Variants in CDKAL1 observed in about 807,000 individuals in gnomAD.
CDKAL1 encodes threonylcarbamoyladenosine tRNA methylthiotransferase.
CDKAL1 carries 32 observed loss-of-function variants against 68.2 expected under a neutral mutation model. The ratio of observed to expected loss-of-function variants is 0.47; its 90% confidence interval spans 0.35 to 0.63. The LOEUF is 0.63. Ranked by LOEUF, CDKAL1 falls within the 30% of genes least tolerant of loss-of-function variation. The probability of loss-of-function intolerance (pLI) is 0.00; values close to 1 mark genes in which losing one functional copy is unlikely to be tolerated. For synonymous variants in CDKAL1, 234 were observed against 244.3 expected, an observed-to-expected ratio of 0.96 and a Z score of 0.39; for missense variants, 606 against 696.7, an observed-to-expected ratio of 0.87 and a Z score of 1.47.
chr6:20,931,826 G>A (rs574982811), intron 9 of CDKAL1, among the ~76,000 whole-genome samples: 12 of 152,184 alleles, frequency 7.9e-5, no homozygotes, highest in African/African-American at 2.9e-4. Flanking sequence ...AATATTTTTC[G>A]AGCAACTGTC....
At chr6:20,937,247 G>A (rs190313384) in intron 9 of CDKAL1, among the ~76,000 whole-genome samples, 2 of 152,078 alleles carry the variant, frequency 1.3e-5, no homozygotes, top group Non-Finnish European at 1.5e-5. Context: ...ACCACACCCA[G>A]CTAATTTATT....
At chr6:20,870,513 G>T (rs1760156295) in intron 9 of CDKAL1, among the ~76,000 whole-genome samples, 1 of 152,126 alleles carries the variant, frequency 6.6e-6, no homozygotes, top group South Asian at 2.1e-4. Flanking sequence ...AATATACACT[G>T]TGATGATAGA....
chr6:20,829,638 C>T (rs530906771), intron 8 of CDKAL1, among the ~76,000 whole-genome samples: 2 of 152,258 alleles, frequency 1.3e-5, no homozygotes, highest in East Asian at 3.9e-4. Flanking sequence ...ATTTTTCAAG[C>T]TCTCCAAAAG....
chr6:20,542,086 T>C (rs1763413155), intron 2 of CDKAL1, among the ~76,000 whole-genome samples: 1 of 152,248 alleles, frequency 6.6e-6, no homozygotes, highest in Non-Finnish European at 1.5e-5. Context: ...AGCTGAGATT[T>C]GAACACAGAT....
intron 4 of CDKAL1, among the ~76,000 whole-genome samples, chr6:20,583,811 C>T (rs1194127657): frequency 6.9e-6 from 1 of 145,564 alleles, no homozygotes; most frequent in Non-Finnish European, 1.5e-5. Flanking sequence ...TCAGTCTGCT[C>T]TTGCAGAGAA....
At chr6:20,900,506 C>G (rs187712277) in intron 9 of CDKAL1, among the ~76,000 whole-genome samples, 5 of 152,280 alleles carry the variant, frequency 3.3e-5, no homozygotes, top group South Asian at 4.2e-4. Flanking sequence ...GTAGATATTG[C>G]TAGTGGCACA....
intron 8 of CDKAL1, among the ~76,000 whole-genome samples, chr6:20,825,932 T>TG (rs1369730528): frequency 1.3e-5 from 2 of 152,160 alleles, no homozygotes; most frequent in Non-Finnish European, 2.9e-5. Flanking sequence ...TCTGTCATTT[T>TG]GGGGGGATTA....
intron 4 of CDKAL1, among the ~76,000 whole-genome samples, chr6:20,613,709 A>G (rs1326458173): frequency 6.6e-6 from 1 of 150,564 alleles, no homozygotes; most frequent in African/African-American, 2.4e-5. Context: ...TATTCTAGAC[A>G]TTTTTGTTGT....
chr6:21,069,120 T>C (rs1227599418), intron 12 of CDKAL1, among the ~76,000 whole-genome samples: 1 of 152,212 alleles, frequency 6.6e-6, no homozygotes, highest in Non-Finnish European at 1.5e-5. Context: ...CTGATAGTCA[T>C]AGTTTTAATT....
At chr6:20,733,742 G>A (rs1773060798) in intron 5 of CDKAL1, among the ~76,000 whole-genome samples, 1 of 152,166 alleles carries the variant, frequency 6.6e-6, no homozygotes, top group African/African-American at 2.4e-5. Flanking sequence ...TGGAAACTGT[G>A]GGACTTTAGG....
chr6:21,084,698 G>C (rs1197394595), intron 12 of CDKAL1, among the ~76,000 whole-genome samples: 1 of 152,106 alleles, frequency 6.6e-6, no homozygotes, highest in African/African-American at 2.4e-5. Context: ...CTTTGAACTT[G>C]TTATTTTAGG....
intron 9 of CDKAL1, among the ~76,000 whole-genome samples, chr6:20,889,455 G>A (rs1414291164): frequency 6.6e-6 from 1 of 152,070 alleles, no homozygotes; most frequent in African/African-American, 2.4e-5. Flanking sequence ...CCATGCCTAT[G>A]TCCTGAATGG....
chr6:20,976,685 C>T (rs993814130), intron 10 of CDKAL1, among the ~76,000 whole-genome samples: 2 of 152,170 alleles, frequency 1.3e-5, no homozygotes, highest in Admixed American at 1.3e-4. Flanking sequence ...CAAGAGACCT[C>T]TATTCTGAAT....
chr6:20,586,123 A>G (rs1765343917), intron 4 of CDKAL1, among the ~76,000 whole-genome samples: 1 of 152,164 alleles, frequency 6.6e-6, no homozygotes, highest in South Asian at 2.1e-4. Flanking sequence ...AAGCATATCC[A>G]TAATCCTATC....
intron 15 of CDKAL1, among the ~76,000 whole-genome samples, chr6:21,202,387 G>T (rs955989235): frequency 6.6e-5 from 10 of 151,312 alleles, no homozygotes; most frequent in Middle Eastern, 3.4e-3. Context: ...ATTCATTTTT[G>T]CTGTTTATTA....
intron 8 of CDKAL1, among the ~76,000 whole-genome samples, chr6:20,786,839 C>T (rs896225173): frequency 2.6e-5 from 4 of 151,818 alleles, no homozygotes; most frequent in East Asian, 1.9e-4. Flanking sequence ...GGTGTGGAGA[C>T]GGGTAGGAGG....
At chr6:20,949,941 C>A (rs1021328373) in intron 9 of CDKAL1, among the ~76,000 whole-genome samples, 1 of 151,936 alleles carries the variant, frequency 6.6e-6, no homozygotes, top group Non-Finnish European at 1.5e-5. Context: ...AGGCATGCAC[C>A]ACTGTGCCTG....
At chr6:20,809,603 A>G (rs183099086) in intron 8 of CDKAL1, among the ~76,000 whole-genome samples, 2 of 152,076 alleles carry the variant, frequency 1.3e-5, no homozygotes, top group South Asian at 2.1e-4. Context: ...TTCTGTTCTC[A>G]TATGCTTTCC....
chr6:21,168,242 C>T (rs1229532299), intron 13 of CDKAL1, among the ~76,000 whole-genome samples: 1 of 152,188 alleles, frequency 6.6e-6, no homozygotes, highest in Non-Finnish European at 1.5e-5. Flanking sequence ...CAGCCTTCTG[C>T]TCCTCCTCCT....
Sources: gnomAD v4.1 joint callset for allele counts (sites outside exome capture counted in the v4.1 genomes callset) on GRCh38, gnomAD v4.1.1 for gene constraint, MANE v1.5 for transcripts, NCBI Gene and HGNC (gene_info 2026-07-23, HGNC 2026-07-21) for gene names.